The following SPPL3 variants were observed in gnomAD, a reference collection of about 807,000 sequenced individuals.
SPPL3 encodes the protein signal peptide peptidase like 3.
SPPL3 carries 5 observed loss-of-function variants against 42.4 expected under a neutral mutation model. That is an observed-to-expected ratio of 0.12 (90% CI 0.06 to 0.25). The LOEUF is 0.25. Ranked by LOEUF, SPPL3 falls within the 10% of genes least tolerant of loss-of-function variation. The probability of loss-of-function intolerance (pLI) is 1.00; values close to 1 mark genes in which losing one functional copy is unlikely to be tolerated. For missense variants in SPPL3, 235 were observed against 489.0 expected (o/e 0.48, Z 4.90); for synonymous variants, 195 against 181.8 (o/e 1.07, Z -0.58).
At chr12:120,871,961 A>G (rs1427183374) in intron 1 of SPPL3, among the ~76,000 whole-genome samples, 3 of 152,154 alleles carry the variant, frequency 2.0e-5, no homozygotes, top group African/African-American at 7.2e-5. Context: ...TGCATTACAT[A>G]TTTACTGGTT....
chr12:120,844,785 A>C (rs1871962123), intron 1 of SPPL3, among the ~76,000 whole-genome samples: 1 of 150,926 alleles, frequency 6.6e-6, no homozygotes, highest in African/African-American at 2.4e-5. Context: ...CACTCCCAAC[A>C]CAGCGACTCC....
intron 2 of SPPL3, among the ~76,000 whole-genome samples, chr12:120,793,392 AG>A (rs760326272): frequency 1.3e-5 from 2 of 152,202 alleles, no homozygotes; most frequent in African/African-American, 4.8e-5. Context: ...GCTACTCGCC[AG>A]GCTGAGGTAG....
At chr12:120,809,385 C>T (rs1870608105) in intron 2 of SPPL3, among the ~76,000 whole-genome samples, 1 of 151,796 alleles carries the variant, frequency 6.6e-6, no homozygotes, top group African/African-American at 2.4e-5. Flanking sequence ...TCGGTGTATA[C>T]TGAAATTACC....
At chr12:120,819,111 G>A (rs1162514824) in intron 1 of SPPL3, among the ~76,000 whole-genome samples, 1 of 152,144 alleles carries the variant, frequency 6.6e-6, no homozygotes, top group South Asian at 2.1e-4. Flanking sequence ...GTACTTCATA[G>A]CCTTTTCAGA....
Position 120,902,609 on chromosome 12 carries a change from A to G in SPPL3, c.23+1236T>C, listed in dbSNP as rs541065468. Among the ~76,000 whole-genome samples, 30 of 152,336 alleles carry G rather than the reference A, an allele frequency of 2.0e-4. No homozygotes were observed. The South Asian group carries it at 3.9e-3, about 20-fold the overall frequency. ...ACTCACTACCATGTCGTATCAACAA[A>G]GCAAGTTGGTGGCAAACCGGACCTC... On this transcript the variant is annotated intron_variant, in intron 1 of 10. Transcript: ENST00000353487.
intron 1 of SPPL3, among the ~76,000 whole-genome samples, chr12:120,848,126 T>C (rs1275907560): frequency 6.6e-6 from 1 of 152,248 alleles, no homozygotes; most frequent in African/African-American, 2.4e-5. Context: ...CAGCTTCTGA[T>C]GAACTCAGCA....
intron 1 of SPPL3, among the ~76,000 whole-genome samples, chr12:120,843,876 T>C (rs1331273523): frequency 6.6e-6 from 1 of 152,184 alleles, no homozygotes; most frequent in Non-Finnish European, 1.5e-5. Flanking sequence ...GAGAATCGCT[T>C]GAACCCGGGA....
chr12:120,894,049 T>C (rs889902443), intron 1 of SPPL3, among the ~76,000 whole-genome samples: 2 of 151,940 alleles, frequency 1.3e-5, no homozygotes, highest in Non-Finnish European at 2.9e-5. Flanking sequence ...GGGGGCCGGG[T>C]GCAGTGGGTC....
chr12:120,782,651 T>C lies in SPPL3; in HGVS notation c.502+4A>G. The C allele has an allele frequency of 6.3e-7, 1 of 1,599,126 alleles. No individual in the cohort carries two copies. ...TTACAATTTGTCACAAATTAGTCAC[T>C]CACCATCCATGAGAAGCCAATGGCC... On this transcript the variant is annotated splice_donor_region_variant and intron_variant, in intron 6 of 10. Coordinates refer to ENST00000353487, the MANE Select transcript of SPPL3 (RefSeq NM_139015.5).
chr12:120,768,319 T>G lies in SPPL3; in HGVS notation c.773+6A>C. 6.2e-7 allele frequency: 1 copy of G among 1,608,838 alleles called. No homozygotes were observed. The highest frequency in any genetic ancestry group is 1.7e-5 in the Admixed American group (1 of 59,618). Reference sequence around the variant, plus strand: ...AGTGTGGTCCTGTCATAGCATGAGGTCTTACCTTGGGAAGACCAGTTTTCC... The same window carrying G: ...AGTGTGGTCCTGTCATAGCATGAGGGCTTACCTTGGGAAGACCAGTTTTCC... On this transcript the variant is annotated splice_donor_region_variant and intron_variant, in intron 8 of 10. Coordinates refer to ENST00000353487, the MANE Select transcript of SPPL3 (RefSeq NM_139015.5).
At position 120,781,555 on chromosome 12, in the gene SPPL3, G is replaced by GTGTTTTTTT. The variant is rs1869541007; in HGVS notation, c.502+1099_502+1100insAAAAAAACA. 5.6e-4 allele frequency among the ~76,000 whole-genome samples: 35 copies of GTGTTTTTTT among 63,010 alleles called. 3 individuals carry two copies. The highest frequency in any genetic ancestry group is 0.011 in the Middle Eastern group (1 of 92). The allele number at this position is 63,010 out of a possible 152,430, so 41.3% of individuals were successfully genotyped here. ...TCTAATCCCATCTCCTTATTGTTAC[G>GTGTTTTTTT]TTTTTTTTTTTTTTTTTTTTTTTTT... is the stretch of plus-strand genomic sequence containing the variant. On this transcript the variant is annotated intron_variant, in intron 6 of 10. Transcript: ENST00000353487.
chr12:120,794,030 T>G (rs1870015029), intron 2 of SPPL3, among the ~76,000 whole-genome samples: 1 of 152,248 alleles, frequency 6.6e-6, no homozygotes, highest in South Asian at 2.1e-4. Context: ...AATTTATTTC[T>G]CCTTGCAGTT....
At chr12:120,882,884 C>A (rs992985688) in intron 1 of SPPL3, among the ~76,000 whole-genome samples, 3 of 151,862 alleles carry the variant, frequency 2.0e-5, no homozygotes, top group Non-Finnish European at 2.9e-5. Flanking sequence ...CAGAGCTAGA[C>A]CCTGGCTTTT....
chr12:120,813,902 A>C (rs776454473), intron 1 of SPPL3, among the ~76,000 whole-genome samples: 1 of 152,186 alleles, frequency 6.6e-6, no homozygotes, highest in Non-Finnish European at 1.5e-5. Flanking sequence ...GCTTTATAAA[A>C]GTTTTGCCCT....
chr12:120,815,577 C>A (rs1021421416), intron 1 of SPPL3, among the ~76,000 whole-genome samples: 15 of 152,028 alleles, frequency 9.9e-5, no homozygotes, highest in African/African-American at 3.4e-4. Flanking sequence ...TTGTCACTAC[C>A]CTCAAGGCAG....
chr12:120,815,061 C>G (rs938375594), intron 1 of SPPL3, among the ~76,000 whole-genome samples: 1 of 152,146 alleles, frequency 6.6e-6, no homozygotes. Flanking sequence ...CTGCTGTTAA[C>G]AAGTAATTCT....
In SPPL3 at chr12:120,765,727, T is replaced by A. The variant is rs549970621; in HGVS notation, c.1083+536A>T. 2.0e-5 allele frequency among the ~76,000 whole-genome samples: 3 copies of A among 151,674 alleles called. No individual in the cohort carries two copies. The South Asian group carries it at 6.4e-4, about 32-fold the overall frequency. On this transcript the variant is annotated intron_variant, in intron 10 of 10. Transcript: ENST00000353487. ...GCTCCCTGAGCAAGAAAAGGGCTTT[T>A]ATCAACTCTCTAGAGGTAGTGAGTC...
At chr12:120,784,282 A>G in intron 4 of SPPL3, 192 bp downstream of exon 4, 1 of 483,200 alleles carries the variant, frequency 2.1e-6, no homozygotes, top group South Asian at 2.6e-5. Context: ...AGGTCTCAAC[A>G]GATGACGTGG....
At chr12:120,896,792 A>C (rs545391541) in intron 1 of SPPL3, among the ~76,000 whole-genome samples, 1 of 152,246 alleles carries the variant, frequency 6.6e-6, no homozygotes, top group South Asian at 2.1e-4. Context: ...AAAAAAAAAG[A>C]AAGTGAAAGT....
Sources: gnomAD v4.1 joint callset for allele counts (sites outside exome capture counted in the v4.1 genomes callset) on GRCh38, gnomAD v4.1.1 for gene constraint, MANE v1.5 for transcripts, NCBI Gene and HGNC (gene_info 2026-07-23, HGNC 2026-07-21) for gene names.